Variants in NFKBIZ observed in about 807,000 individuals in gnomAD.
NFKBIZ encodes NF-kappa-B inhibitor zeta.
NFKBIZ carries 19 observed loss-of-function variants against 76.8 expected under a neutral mutation model. The ratio of observed to expected loss-of-function variants is 0.25; its 90% CI spans 0.17 to 0.36. The LOEUF is 0.36. Ranked by LOEUF, NFKBIZ falls within the 10% of genes least tolerant of loss-of-function variation. The probability of loss-of-function intolerance (pLI) is 1.00; values close to 1 mark genes in which losing one functional copy is unlikely to be tolerated. For synonymous variants in NFKBIZ, 368 were observed against 354.8 expected, an observed-to-expected ratio of 1.04 and a Z score of -0.42; for missense variants, 829 against 910.9, an observed-to-expected ratio of 0.91 and a Z score of 1.16.
chr3:101,832,724 A>G (rs1013005128), intron 2 of NFKBIZ, among the ~76,000 whole-genome samples: 4 of 152,208 alleles, frequency 2.6e-5, no homozygotes, highest in African/African-American at 7.2e-5. Flanking sequence ...TCATCTGTCC[A>G]TGGACACTTG....
rs779483189 is a variant in NFKBIZ at position 101,852,782 on chromosome 3, G to C, written c.460+14G>C. The C allele has an allele frequency of 6.2e-7, 1 of 1,610,580 alleles. No individual in the cohort carries two copies. Among genetic ancestry groups the C allele is most frequent in the Admixed American group, 1.7e-5 (1 of 59,170 alleles). ...AACAGTTCAGAGGTAAGAGTTACTT[G>C]TATTTGTAATTTTTTCAGGGCTTTG... On this transcript the variant is annotated intron_variant, in intron 3 of 11. Transcript: ENST00000326172.
Position 101,855,469 on chromosome 3 carries a change from G to A in NFKBIZ, c.1654+11G>A. The A allele has an allele frequency of 6.2e-7, 1 of 1,612,826 alleles. No individual in the cohort carries two copies. Among genetic ancestry groups the A allele is most frequent in the South Asian group, 1.1e-5 (1 of 91,052 alleles). On this transcript the variant is annotated intron_variant, in intron 8 of 11. Transcript: ENST00000326172. Reference sequence around the variant, plus strand: ...CAACTAACTATGATGGTAAGCAACTGAAACTTTATTAGATTCAGAGCCACT... The same window carrying A: ...CAACTAACTATGATGGTAAGCAACTAAAACTTTATTAGATTCAGAGCCACT...
At chr3:101,831,677 T>A (rs1942650024) in intron 2 of NFKBIZ, among the ~76,000 whole-genome samples, 1 of 151,890 alleles carries the variant, frequency 6.6e-6, no homozygotes, top group Non-Finnish European at 1.5e-5. Flanking sequence ...TCTCCCTCTG[T>A]CGCCCATGGT....
Position 101,853,535 on chromosome 3 carries a change from A to G in NFKBIZ, c.1009A>G (p.Asn337Asp), listed in dbSNP as rs1324318241. Residue 337 changes from asparagine (N) to aspartate (D), a missense_variant, in exon 5 of 12, where the codon AAC (asparagine) becomes GAC (aspartate). This residue lies in a region of NFKBIZ where 371 missense variants were observed against 332.3 expected (regional missense o/e 1.12). Transcript: ENST00000326172. Reference sequence around the variant, plus strand: ...TGGTCCAGAATCACAGTTTTGCCCAAACCAAAGCTTAGTTTCCCTTCTTGG... The same window carrying G: ...TGGTCCAGAATCACAGTTTTGCCCAGACCAAAGCTTAGTTTCCCTTCTTGG... ...FDGPESQFCP[N>D]QSLVSLLGDQ... The G allele has an allele frequency of 2.5e-6, 4 of 1,614,066 alleles. No individual in the cohort carries two copies. The African/African-American group carries it at 5.3e-5, about 22-fold the overall frequency.
chr3:101,855,037 T>C, intron 6 of NFKBIZ, 25 bp from the exon 7 acceptor site: 2 of 1,567,914 alleles, frequency 1.3e-6, no homozygotes, highest in Non-Finnish European at 1.7e-6. Context: ...GTTTAAAATA[T>C]CTTTTTTCCT....
In NFKBIZ at chr3:101,855,067, C is replaced by A; in HGVS notation, c.1449C>A (p.Ala483=). The A allele has an allele frequency of 6.2e-7, 1 of 1,605,044 alleles. No individual in the cohort carries two copies. Among genetic ancestry groups the A allele is most frequent in the Non-Finnish European group, 8.5e-7 (1 of 1,177,234 alleles). The change falls in exon 7 of 12, where the codon GCC becomes GCA. Residue 483 remains alanine (A), a synonymous_variant. Coordinates refer to ENST00000326172, the MANE Select transcript of NFKBIZ (RefSeq NM_031419.4). ...TTTCCTCTGGATATCCACAGAGTGC[C>A]TTTCAGGTGGCAGTGGCTGCCAATC... The part of the protein sequence containing the change: ...LDIKEHNGQS[A]FQVAVAANQH...
At chr3:101,859,218 G>A (rs746811115) in intron 11 of NFKBIZ, 100 bp from the exon 12 acceptor site, 19 of 836,592 alleles carry the variant, frequency 2.3e-5, no homozygotes, top group Non-Finnish European at 2.9e-5. Context: ...GTTAATAGGA[G>A]TAGTGTAGAT....
At chr3:101,835,965 T>A (rs986595049) in intron 2 of NFKBIZ, among the ~76,000 whole-genome samples, 1 of 152,200 alleles carries the variant, frequency 6.6e-6, no homozygotes, top group Non-Finnish European at 1.5e-5. Flanking sequence ...TAGTTAGAAT[T>A]AGTAGAGTAC....
At chr3:101,845,965 A>G (rs1289540369), upstream of NFKBIZ, among the ~76,000 whole-genome samples, 3 of 152,194 alleles carry the variant, frequency 2.0e-5, no homozygotes, top group Non-Finnish European at 4.4e-5. Flanking sequence ...TTAGATGAAG[A>G]TTTCAATCTC....
At position 101,853,013 on chromosome 3, in the gene NFKBIZ, T is replaced by A. The variant is rs765585262; in HGVS notation, c.564+24T>A. Reference sequence around the variant, plus strand: ...TGGTAAGTATCTCACCATTTTCCTCTGACTATCCTTTGGAAATTATTCCTG... The same window carrying A: ...TGGTAAGTATCTCACCATTTTCCTCAGACTATCCTTTGGAAATTATTCCTG... On this transcript the variant is annotated intron_variant, in intron 4 of 11. Transcript: ENST00000326172. 3.7e-6 allele frequency: 6 copies of A among 1,613,294 alleles called. No individual in the cohort carries two copies. In the African/African-American group the frequency reaches 6.7e-5, roughly 18 times the overall value.
At chr3:101,856,870 A>G (rs889733591) in intron 9 of NFKBIZ, 1 of 513,842 alleles carries the variant, frequency 1.9e-6, no homozygotes, top group Non-Finnish European at 3.5e-6. Flanking sequence ...GACAAGAGGC[A>G]TATAGACAAA....
In NFKBIZ at chr3:101,853,515, C is replaced by T. The variant is rs1943002275; in HGVS notation, c.989C>T (p.Pro330Leu). The T allele has an allele frequency of 1.2e-6, 2 of 1,614,102 alleles. No individual in the cohort carries two copies. The highest frequency in any genetic ancestry group is 1.7e-6 in the Non-Finnish European group (2 of 1,180,050). The change falls in exon 5 of 12, where the codon CCA becomes CTA. Residue 330 changes from proline to leucine, a missense_variant. Pro to Leu is a moderately conservative substitution (Grantham distance 98, BLOSUM62 -3). Around this residue, in one of 4 missense-constraint regions of NFKBIZ, gnomAD observed 371 missense variants for 332.3 expected, o/e 1.12. Coordinates refer to ENST00000326172, the MANE Select transcript of NFKBIZ (RefSeq NM_031419.4). The part of the protein sequence containing the change: ...PAYEPNLFDG[P>L]ESQFCPNQSL... ...TATGAACCAAACCTCTTTGATGGTC[C>T]AGAATCACAGTTTTGCCCAAACCAA...
intron 8 of NFKBIZ, 91 bp from the exon 9 acceptor site, chr3:101,855,642 G>A: frequency 7.1e-7 from 1 of 1,407,274 alleles, no homozygotes; most frequent in Non-Finnish European, 9.7e-7. Flanking sequence ...TATAGGTTAA[G>A]TTAGAGGCCA....
At chr3:101,850,258 G>T (rs1293755744) in intron 1 of NFKBIZ, 3 of 240,230 alleles carry the variant, frequency 1.2e-5, no homozygotes, top group East Asian at 1.6e-4. Context: ...TGAGATTTGG[G>T]GTCTGATGTA....
chr3:101,829,919 T>A (rs1942625045), intron 2 of NFKBIZ, among the ~76,000 whole-genome samples: 1 of 152,082 alleles, frequency 6.6e-6, no homozygotes. Flanking sequence ...AGTATTTTTT[T>A]AAACCAATTT....
upstream of NFKBIZ, among the ~76,000 whole-genome samples, chr3:101,845,294 CTTTTT>C (rs759102672): frequency 1.5e-5 from 2 of 131,178 alleles, no homozygotes; most frequent in Non-Finnish European, 1.7e-5. Context: ...AATCCAATTC[CTTTTT>C]TTTTTTTTTT....
At chr3:101,846,787 C>T (rs553607012), upstream of NFKBIZ, among the ~76,000 whole-genome samples, 1 of 152,294 alleles carries the variant, frequency 6.6e-6, no homozygotes, top group East Asian at 1.9e-4. Context: ...CAATAGGGTA[C>T]ATATAAATAT....
chr3:101,851,340 G>GC, intron 1 of NFKBIZ, among the ~76,000 whole-genome samples: 1 of 152,190 alleles, frequency 6.6e-6, no homozygotes, highest in East Asian at 1.9e-4. Flanking sequence ...AGTGAAACAA[G>GC]CATATTTCCT....
chr3:101,834,719 A>G (rs2107395415), intron 2 of NFKBIZ, among the ~76,000 whole-genome samples: 1 of 152,332 alleles, frequency 6.6e-6, no homozygotes, highest in Admixed American at 6.5e-5. Context: ...TGAAATCTCT[A>G]AACAGTTCCC....
Sources: gnomAD v4.1 joint callset for allele counts (sites outside exome capture counted in the v4.1 genomes callset) on GRCh38, gnomAD v4.1.1 for gene constraint, gnomAD v4.1.1 regional missense constraint, MANE v1.5 for transcripts, NCBI Gene and HGNC (gene_info 2026-07-23, HGNC 2026-07-21) for gene names.